FSTL5: variants seen among roughly 807,000 people sequenced by gnomAD.
The protein encoded by FSTL5 is follistatin like 5.
Under a neutral mutation model 89.1 loss-of-function variants are expected in FSTL5, and 62 were observed. That is an observed-to-expected ratio of 0.70 (90% confidence interval 0.57 to 0.86). The LOEUF (loss-of-function observed/expected upper bound fraction) is 0.86. Among genes scored for constraint, FSTL5 ranks in the 40% least tolerant of loss-of-function variants. The probability of loss-of-function intolerance (pLI) is 0.00; values close to 1 mark genes in which losing one functional copy is unlikely to be tolerated. For missense variants in FSTL5, 1,057 were observed against 1,001.6 expected (o/e 1.06, Z -0.75); for synonymous variants, 383 against 346.2 (o/e 1.11, Z -1.18).
chr4:161,591,382 C>T (rs569658414), intron 7 of FSTL5, among the ~76,000 whole-genome samples: 1 of 152,168 alleles, frequency 6.6e-6, no homozygotes, highest in Non-Finnish European at 1.5e-5. Context: ...TAAACTTCGA[C>T]AGCCATGATG....
chr4:161,465,961 T>C (rs1035402673), intron 13 of FSTL5, among the ~76,000 whole-genome samples: 2 of 152,218 alleles, frequency 1.3e-5, no homozygotes, highest in Non-Finnish European at 2.9e-5. Context: ...TTAATAGTAG[T>C]GATTTATACA....
At chr4:162,018,203 G>A (rs1449117845) in intron 3 of FSTL5, among the ~76,000 whole-genome samples, 1 of 152,148 alleles carries the variant, frequency 6.6e-6, no homozygotes, top group African/African-American at 2.4e-5. Context: ...ATGTGGTTAG[G>A]AGTAAGAGAA....
intron 4 of FSTL5, among the ~76,000 whole-genome samples, chr4:161,917,166 C>T (rs1016839671): frequency 6.6e-6 from 1 of 152,070 alleles, no homozygotes; most frequent in East Asian, 1.9e-4. Flanking sequence ...CCAAGTTGGC[C>T]GGGCTGGTAT....
At chr4:161,726,052 GT>G (rs1314755917) in intron 6 of FSTL5, among the ~76,000 whole-genome samples, 3 of 152,058 alleles carry the variant, frequency 2.0e-5, no homozygotes, top group Non-Finnish European at 4.4e-5. Context: ...AAAAAAGCTG[GT>G]GAGGAGCAGA....
At chr4:161,613,671 G>T (rs560373963) in intron 7 of FSTL5, among the ~76,000 whole-genome samples, 6 of 152,002 alleles carry the variant, frequency 3.9e-5, no homozygotes, top group African/African-American at 1.5e-4. Context: ...AAAAAGTCTC[G>T]TTACATTTCA....
intron 15 of FSTL5, among the ~76,000 whole-genome samples, chr4:161,448,476 T>A (rs1733032937): frequency 6.6e-6 from 1 of 152,178 alleles, no homozygotes; most frequent in African/African-American, 2.4e-5. Context: ...TTTAACGGAT[T>A]TGATAAAATA....
At chr4:161,878,283 CTCTCT>C (rs1732513915) in intron 4 of FSTL5, among the ~76,000 whole-genome samples, 2 of 152,118 alleles carry the variant, frequency 1.3e-5, no homozygotes, top group Admixed American at 1.3e-4. Context: ...ATGTTATTTC[CTCTCT>C]TCTCTTTTCT....
chr4:161,627,406 G>A (rs116151955), intron 7 of FSTL5, among the ~76,000 whole-genome samples: 1,809 of 152,190 alleles, frequency 0.012, 43 homozygotes, highest in African/African-American at 0.041. Flanking sequence ...TAATGCCATC[G>A]TACTTAATAC....
chr4:162,151,225 A>G (rs1307511666), intron 1 of FSTL5, among the ~76,000 whole-genome samples: 2 of 152,200 alleles, frequency 1.3e-5, no homozygotes, highest in Admixed American at 6.5e-5. Context: ...TTTTTAAATT[A>G]GCAGGTTTTA....
chr4:162,086,304 C>T (rs1390907454), intron 2 of FSTL5, among the ~76,000 whole-genome samples: 1 of 151,524 alleles, frequency 6.6e-6, no homozygotes, highest in Non-Finnish European at 1.5e-5. Flanking sequence ...ATGCTCATTC[C>T]CCCCTCCTTT....
At chr4:161,837,595 C>T (rs1731087285) in intron 4 of FSTL5, among the ~76,000 whole-genome samples, 1 of 152,008 alleles carries the variant, frequency 6.6e-6, no homozygotes, top group Non-Finnish European at 1.5e-5. Flanking sequence ...ACTTTAAAAT[C>T]ATTAATAAAA....
intron 10 of FSTL5, among the ~76,000 whole-genome samples, chr4:161,531,195 A>C (rs2126530224): frequency 6.6e-6 from 1 of 152,334 alleles, no homozygotes; most frequent in Admixed American, 6.5e-5. Flanking sequence ...ATTTGTTGAC[A>C]AAGTTAGACA....
chr4:162,009,009 T>C (rs1366417393), intron 3 of FSTL5, among the ~76,000 whole-genome samples: 1 of 152,076 alleles, frequency 6.6e-6, no homozygotes, highest in Non-Finnish European at 1.5e-5. Context: ...AAAATTAATC[T>C]TTGATTGACA....
chr4:162,099,735 C>CT (rs1730912648), intron 2 of FSTL5, among the ~76,000 whole-genome samples: 1 of 152,162 alleles, frequency 6.6e-6, no homozygotes, highest in South Asian at 2.1e-4. Context: ...AAAAAGAAAA[C>CT]TGACAACCCA....
intron 8 of FSTL5, among the ~76,000 whole-genome samples, chr4:161,580,733 G>A (rs978681702): frequency 6.6e-6 from 1 of 152,134 alleles, no homozygotes; most frequent in Non-Finnish European, 1.5e-5. Context: ...GCTTCCTTGA[G>A]TGTAGTTGAT....
intron 10 of FSTL5, among the ~76,000 whole-genome samples, chr4:161,527,369 G>A (rs1461624358): frequency 6.6e-6 from 1 of 152,090 alleles, no homozygotes; most frequent in Non-Finnish European, 1.5e-5. Context: ...CCTACAAAAT[G>A]GGAGAAAATT....
At chr4:162,149,645 C>A (rs1733149740) in intron 1 of FSTL5, among the ~76,000 whole-genome samples, 1 of 151,628 alleles carries the variant, frequency 6.6e-6, no homozygotes, top group South Asian at 2.1e-4. Flanking sequence ...AGAGCAAGAC[C>A]CTGTCTCTCA....
chr4:161,872,868 T>A (rs1188125868), intron 4 of FSTL5, among the ~76,000 whole-genome samples: 1 of 152,154 alleles, frequency 6.6e-6, no homozygotes, highest in Non-Finnish European at 1.5e-5. Context: ...CATGTATGAA[T>A]TTTGATGATT....
intron 7 of FSTL5, among the ~76,000 whole-genome samples, chr4:161,613,268 T>C (rs1734715375): frequency 6.6e-6 from 1 of 151,726 alleles, no homozygotes; most frequent in African/African-American, 2.4e-5. Context: ...CTGGCCAAAA[T>C]GGTGAAATCT....
Sources: gnomAD v4.1 joint callset for allele counts (sites outside exome capture counted in the v4.1 genomes callset) on GRCh38, gnomAD v4.1.1 for gene constraint, MANE v1.5 for transcripts, NCBI Gene and HGNC (gene_info 2026-07-23, HGNC 2026-07-21) for gene names.